Variants in USH2A observed in about 807,000 individuals in gnomAD.
USH2A encodes the protein usherin.
USH2A carries 443 observed loss-of-function variants against 538.9 expected under a neutral mutation model. That is an observed-to-expected ratio of 0.82 (90% CI 0.76 to 0.89). The LOEUF (loss-of-function observed/expected upper bound fraction) is 0.89. Among genes scored for constraint, USH2A ranks in the 40% least tolerant of loss-of-function variants. The pLI is 0.00. For missense variants in USH2A, 6,633 were observed against 6,324.8 expected, an observed-to-expected ratio of 1.05 and a Z score of -1.65; for synonymous variants, 2,413 against 2,273.5, an observed-to-expected ratio of 1.06 and a Z score of -1.75.
At chr1:215,787,793 C>G (rs1485465341) in intron 51 of USH2A, among the ~76,000 whole-genome samples, 2 of 152,010 alleles carry the variant, frequency 1.3e-5, no homozygotes, top group Non-Finnish European at 2.9e-5. Flanking sequence ...TCTATAATCC[C>G]AACACTTTGG....
chr1:216,073,180 A>G lies in USH2A; in HGVS notation c.5693T>C (p.Val1898Ala), dbSNP rs1334100549. 1.2e-5 allele frequency: 19 copies of G among 1,613,882 alleles called. No homozygotes were observed. The highest frequency in any genetic ancestry group is 1.6e-5 in the Non-Finnish European group (19 of 1,179,954). ...GATGGAGTCATTTCCCCTGCAGTTA[A>G]CAGCACTGTCAGTTGATAGGCATCC... ...LDGCLSTDSA[V>A]NCRGNDSILV... The change falls in exon 28 of 72, where the codon GTT becomes GCT. Residue 1898 changes from valine (V) to alanine (A), a missense_variant. By Grantham distance (64) the Val-to-Ala change is moderately conservative. Coordinates refer to ENST00000307340, the MANE Select transcript of USH2A (RefSeq NM_206933.4).
intron 61 of USH2A, among the ~76,000 whole-genome samples, chr1:215,727,263 A>T (rs1659850662): frequency 6.6e-6 from 1 of 152,112 alleles, no homozygotes; most frequent in Admixed American, 6.5e-5. Flanking sequence ...ATACACATAC[A>T]TATATACATA....
At chr1:215,684,776 C>T (rs1316995429) in intron 61 of USH2A, among the ~76,000 whole-genome samples, 2 of 152,152 alleles carry the variant, frequency 1.3e-5, no homozygotes, top group Non-Finnish European at 2.9e-5. Context: ...ATCCTGGGCT[C>T]TTTATCCTGA....
intron 3 of USH2A, among the ~76,000 whole-genome samples, chr1:216,401,661 A>T (rs2039307379): frequency 6.6e-6 from 1 of 152,098 alleles, no homozygotes; most frequent in Non-Finnish European, 1.5e-5. Flanking sequence ...GTAACTATCA[A>T]ATAGCATAGA....
intron 40 of USH2A, among the ~76,000 whole-genome samples, chr1:215,893,415 C>G (rs1665254018): frequency 6.6e-6 from 1 of 151,908 alleles, no homozygotes; most frequent in African/African-American, 2.4e-5. Context: ...TGAATGATCT[C>G]ACATAGTCCA....
chr1:216,258,284 G>T (rs938745422), intron 11 of USH2A, among the ~76,000 whole-genome samples: 1 of 152,048 alleles, frequency 6.6e-6, no homozygotes, highest in Non-Finnish European at 1.5e-5. Flanking sequence ...CACTGTTGAG[G>T]CTAGACCCTT....
chr1:216,284,455 T>C (rs1387189824), intron 11 of USH2A, among the ~76,000 whole-genome samples: 1 of 152,184 alleles, frequency 6.6e-6, no homozygotes, highest in Non-Finnish European at 1.5e-5. Context: ...CTGCCATGAT[T>C]GTAAGTTTAC....
chr1:216,108,111 A>G (rs2032782016), intron 21 of USH2A, among the ~76,000 whole-genome samples: 1 of 151,640 alleles, frequency 6.6e-6, no homozygotes, highest in African/African-American at 2.4e-5. Flanking sequence ...CACTTGAGTT[A>G]TTATTGGTAT....
intron 32 of USH2A, among the ~76,000 whole-genome samples, chr1:216,007,478 C>T (rs999875723): frequency 2.6e-5 from 4 of 152,108 alleles, no homozygotes; most frequent in Non-Finnish European, 5.9e-5. Context: ...TTCAGAATTC[C>T]CTGCCTGATG....
intron 55 of USH2A, among the ~76,000 whole-genome samples, chr1:215,776,522 C>T (rs1020408848): frequency 1.3e-5 from 2 of 152,028 alleles, no homozygotes; most frequent in Admixed American, 1.3e-4. Context: ...ACAATGGGGC[C>T]GAGGCAAGGT....
At chr1:216,353,933 C>T (rs1454377269) in intron 4 of USH2A, among the ~76,000 whole-genome samples, 3 of 152,038 alleles carry the variant, frequency 2.0e-5, no homozygotes, top group Non-Finnish European at 4.4e-5. Context: ...GGACATGTAA[C>T]TCATTGGACG....
chr1:216,117,114 G>C (rs2033026707), intron 21 of USH2A, among the ~76,000 whole-genome samples: 1 of 152,106 alleles, frequency 6.6e-6, no homozygotes, highest in Non-Finnish European at 1.5e-5. Context: ...ATGACACTTT[G>C]TCTTTGGTAG....
intron 2 of USH2A, among the ~76,000 whole-genome samples, chr1:216,421,532 T>G (rs1448851659): frequency 6.6e-6 from 1 of 152,180 alleles, no homozygotes; most frequent in African/African-American, 2.4e-5. Context: ...TAATTACAAG[T>G]TTCCATGCCT....
At chr1:215,942,739 G>A (rs951390904) in intron 37 of USH2A, among the ~76,000 whole-genome samples, 7 of 152,108 alleles carry the variant, frequency 4.6e-5, no homozygotes, top group East Asian at 1.9e-4. Context: ...TTAGTATAGC[G>A]CAGCTCCTAA....
At chr1:216,093,646 G>A (rs150589247) in intron 22 of USH2A, among the ~76,000 whole-genome samples, 70 of 152,280 alleles carry the variant, frequency 4.6e-4, no homozygotes, top group African/African-American at 1.7e-3. Flanking sequence ...CAAAAGAGAT[G>A]GCAGTCATGC....
chr1:216,156,410 T>C (rs1417104759), intron 21 of USH2A, among the ~76,000 whole-genome samples: 1 of 151,396 alleles, frequency 6.6e-6, no homozygotes, highest in African/African-American at 2.4e-5. Context: ...TTTTTTCACA[T>C]CTTATTTTTG....
intron 3 of USH2A, among the ~76,000 whole-genome samples, chr1:216,377,818 A>AGAGAAG (rs1273520626): frequency 8.5e-5 from 2 of 23,552 alleles, no homozygotes; most frequent in African/African-American, 2.5e-4. Context: ...AAAGAAAGAA[A>AGAGAAG]GAAAGAAAGA....
intron 37 of USH2A, among the ~76,000 whole-genome samples, chr1:215,964,793 C>G (rs1667295890): frequency 6.6e-6 from 1 of 152,128 alleles, no homozygotes; most frequent in African/African-American, 2.4e-5. Context: ...AAAATACTTT[C>G]AAGGAACCCC....
In USH2A at chr1:216,107,197, C is replaced by T. The variant is rs142366353; in HGVS notation, c.4628-9984G>A. 6.8e-3 allele frequency among the ~76,000 whole-genome samples: 1,037 copies of T among 151,754 alleles called. 29 individuals carry two copies. The highest frequency in any genetic ancestry group is 0.044 in the Admixed American group (668 of 15,222). ...TTTCTGTATTTTTATAGATTTTTAT[C>T]AACTTCTTTTATTAAGTACTAAGAA... On this transcript the variant is annotated intron_variant, in intron 21 of 71. Coordinates refer to ENST00000307340, the MANE Select transcript of USH2A (RefSeq NM_206933.4).
Sources: gnomAD v4.1 joint callset for allele counts (sites outside exome capture counted in the v4.1 genomes callset) on GRCh38, gnomAD v4.1.1 for gene constraint, MANE v1.5 for transcripts, NCBI Gene and HGNC (gene_info 2026-07-23, HGNC 2026-07-21) for gene names.